The following PERM1 variants were observed in gnomAD, a reference collection of about 807,000 sequenced individuals.
PERM1 encodes the protein PGC-1 and ERR-induced regulator in muscle protein 1.
Under a neutral mutation model 44.1 loss-of-function variants are expected in PERM1, and 45 were observed. The observed-to-expected ratio is 1.02, with a 90% CI of 0.80 to 1.31. PERM1 has a LOEUF of 1.31. Ranked by LOEUF, PERM1 falls within the 50% of genes most tolerant of loss-of-function variation. The pLI is 0.00. For missense variants in PERM1, 1,189 were observed against 1,106.9 expected (o/e 1.07, Z -1.05); for synonymous variants, 565 against 477.1 (o/e 1.18, Z -2.40).
intron 2 of PERM1, 84 bp downstream of exon 3, chr1:976,415 G>T (rs1305370422): frequency 1.0e-5 from 16 of 1,540,302 alleles, no homozygotes; most frequent in Non-Finnish European, 1.3e-5. Context: ...GGTGAGCCCC[G>T]GGGCCCCCGT....
intron 1 of PERM1, among the ~76,000 whole-genome samples, chr1:978,215 G>C (rs557213441): frequency 1.2e-3 from 151 of 126,324 alleles, no homozygotes; most frequent in African/African-American, 4.2e-3. Context: ...GGAACTGCCT[G>C]CCCCGCACAC....
intron 1 of PERM1, 82 bp downstream of exon 2, chr1:978,790 TGCCCGGCCC>T: frequency 8.0e-7 from 1 of 1,255,650 alleles, no homozygotes; most frequent in Non-Finnish European, 1.1e-6. Flanking sequence ...AAGCCCGGCC[TGCCCGGCCC>T]CTGCGGCCCC....
exon 1 of PERM1, chr1:979,677 T>C: frequency 6.5e-7 from 1 of 1,550,254 alleles, no homozygotes; most frequent in South Asian, 1.2e-5. Flanking sequence ...CGGCGTCGGC[T>C]CTGGGAACAG....
At chr1:976,418 G>A (rs1276951737) in intron 2 of PERM1, 81 bp downstream of exon 3, 2 of 1,541,512 alleles carry the variant, frequency 1.3e-6, no homozygotes, top group African/African-American at 2.7e-5. Context: ...GAGCCCCGGG[G>A]CCCCCGTGCA....
At chr1:976,053 C>G (rs946879138) in exon 3 of PERM1, 7 of 1,009,128 alleles carry the variant, frequency 6.9e-6, no homozygotes, top group East Asian at 2.7e-5. Flanking sequence ...GACACGCCCC[C>G]CTCCTGGACG....
chr1:981,194 T>A (rs1436545325), upstream of PERM1: 3 of 1,540,038 alleles, frequency 1.9e-6, no homozygotes, highest in Non-Finnish European at 2.6e-6. Flanking sequence ...GAGAACAGCA[T>A]CTCGAGGGGA....
intron 2 of PERM1, 54 bp from the exon 4 acceptor site, chr1:976,323 T>G: frequency 6.1e-6 from 9 of 1,466,984 alleles, no homozygotes; most frequent in South Asian, 1.4e-5. Context: ...CGGCACCGTC[T>G]GCCCGCAAGA....
At chr1:979,320 G>C (rs894371407) in exon 1 of PERM1, 1 of 1,534,080 alleles carries the variant, frequency 6.5e-7, no homozygotes, top group Non-Finnish European at 8.8e-7. Flanking sequence ...TCCCGGGCCC[G>C]ACCCTCGTCA....
exon 1 of PERM1, chr1:979,963 C>G (rs1176489593): frequency 1.3e-6 from 2 of 1,549,268 alleles, no homozygotes; most frequent in Non-Finnish European, 1.7e-6. Context: ...AGCCATGTCC[C>G]TGTCAGGTTG....
chr1:978,379 C>T (rs1643684624), intron 1 of PERM1, among the ~76,000 whole-genome samples: 1 of 151,542 alleles, frequency 6.6e-6, no homozygotes. Flanking sequence ...CCCCGGGAAC[C>T]GCCTGCCCCG....
chr1:980,312 G>C, exon 1 of PERM1: 1 of 1,550,316 alleles, frequency 6.5e-7, no homozygotes, highest in Non-Finnish European at 8.7e-7. Flanking sequence ...GGGGACCTGG[G>C]GCCAGGCTCA....
exon 1 of PERM1, chr1:979,593 G>A: frequency 1.3e-6 from 2 of 1,550,152 alleles, no homozygotes; most frequent in South Asian, 1.2e-5. Flanking sequence ...CCCCTGCTGA[G>A]GGCTCAGACA....
At chr1:978,178 A>C (rs1427212174) in intron 1 of PERM1, among the ~76,000 whole-genome samples, 17 of 52,794 alleles carry the variant, frequency 3.2e-4, no homozygotes, top group African/African-American at 4.8e-4. Flanking sequence ...CGCCTGCCCC[A>C]CCCTAACCCT....
exon 3 of PERM1, chr1:976,197 C>T (rs890907024): frequency 6.5e-7 from 1 of 1,544,552 alleles, no homozygotes. Flanking sequence ...GGGGCTGTGG[C>T]TGCGGCGCCC....
chr1:979,559 G>A lies in PERM1; in HGVS notation c.1471C>T (p.Pro491Ser), dbSNP rs751542416. The A allele has an allele frequency of 1.2e-5, 19 of 1,549,932 alleles. 1 individual carries two copies. In the South Asian group the frequency reaches 2.0e-4, roughly 16 times the overall value. ...GGGACTTGGGTGAGACCCAGTGCGG[G>A]TGCCCCAGAGCAGCATCCGGGGGCC... is the stretch of plus-strand genomic sequence containing the variant. Residue 491 changes from proline to serine, a missense_variant, in exon 1 of 3, where the codon CCC becomes TCC. Around this residue, in one of 3 missense-constraint regions of PERM1, gnomAD observed 900 missense variants for 760.4 expected, o/e 1.18. Transcript: ENST00000433179.
chr1:978,902 G>T, exon 1 of PERM1: 1 of 1,497,798 alleles, frequency 6.7e-7, no homozygotes, highest in Non-Finnish European at 8.9e-7. Flanking sequence ...AGAGCCAGGT[G>T]GAGCCGCTCT....
exon 1 of PERM1, chr1:979,414 C>T (rs1402752814): frequency 6.6e-6 from 10 of 1,523,876 alleles, no homozygotes; most frequent in East Asian, 2.5e-5. Context: ...CTCCCAGGCT[C>T]CGGGCCCCCC....
At chr1:979,914 A>T in exon 1 of PERM1, 1 of 1,550,312 alleles carries the variant, frequency 6.5e-7, no homozygotes, top group Non-Finnish European at 8.7e-7. Context: ...GTGTAGACAC[A>T]GCCGTGTCAG....
chr1:982,036 T>A, upstream of PERM1: 1 of 1,287,696 alleles, frequency 7.8e-7, no homozygotes, highest in Non-Finnish European at 1.0e-6. Context: ...GCCCCTTGGG[T>A]CAGGAGCCAG....
Sources: allele counts gnomAD v4.1 joint callset (sites outside exome capture counted in the v4.1 genomes callset), GRCh38; gene constraint gnomAD v4.1.1; regional missense constraint gnomAD v4.1.1; transcripts MANE v1.5; gene names NCBI Gene and HGNC (gene_info 2026-07-23, HGNC 2026-07-21).